The following DPH1 variants were observed in gnomAD, a reference collection of about 807,000 sequenced individuals.
DPH1 encodes diphthamide biosynthesis 1, also known as 2-(3-amino-3-carboxypropyl)histidine synthase subunit 1.
In DPH1, 59 loss-of-function variants were observed where a neutral mutation model predicts 55.3. That is an observed-to-expected ratio of 1.07 (90% CI 0.87 to 1.33). The LOEUF is 1.33. Ranked by LOEUF, DPH1 falls within the 40% of genes most tolerant of loss-of-function variation. The probability of loss-of-function intolerance (pLI) is 0.00; values close to 1 mark genes in which losing one functional copy is unlikely to be tolerated. For synonymous variants in DPH1, 238 were observed against 235.5 expected (o/e 1.01, Z -0.10); for missense variants, 628 against 584.8 (o/e 1.07, Z -0.76).
At chr17:2,032,762 G>C (rs1236028397) in intron 1 of DPH1, among the ~76,000 whole-genome samples, 2 of 152,170 alleles carry the variant, frequency 1.3e-5, no homozygotes, top group South Asian at 2.1e-4. Context: ...ATTTATTTTT[G>C]AGATGGTGTC....
Position 2,036,566 on chromosome 17 carries a change from G to A in DPH1, c.438G>A (p.Leu146=), listed in dbSNP as rs1196020827. 2 of 1,613,994 alleles carry A rather than the reference G, an allele frequency of 1.2e-6. No individual in the cohort carries two copies. Among genetic ancestry groups the A allele is most frequent in the Non-Finnish European group, 1.7e-6 (2 of 1,180,000 alleles). ...MDTSAQDFRV[L]YVFVDIRIDT... is the part of the protein sequence containing the mutation. ...CCTCGGCCCAAGACTTCCGGGTGCT[G>A]TACGTCTTTGTGGACATCCGGATAG... The change falls in exon 5 of 13, where the codon CTG becomes CTA. Residue 146 remains leucine, a synonymous_variant. Transcript: ENST00000263083. The surrounding 1 kb of genome is among the most constrained non-coding windows in gnomAD (Gnocchi z 4.8).
chr17:2,033,691 G>A, intron 2 of DPH1, 34 bp downstream of exon 2: 1 of 1,613,684 alleles, frequency 6.2e-7, no homozygotes, highest in Non-Finnish European at 8.5e-7. Context: ...GGGTTGGGGT[G>A]GAGAGGTTGC....
At chr17:2,031,910 T>C (rs9907156) in intron 1 of DPH1, among the ~76,000 whole-genome samples, 113,279 of 151,984 alleles carry the variant, frequency 0.75, 42,510 homozygotes, top group East Asian at 0.93. Flanking sequence ...ACTGCTGGTC[T>C]CTAAGGGACA....
rs2067568491 is a variant in DPH1, at chr17:2,042,815, G to T, written c.*229G>T. On this transcript the variant is annotated 3_prime_UTR_variant, in exon 13 of 13. Coordinates refer to ENST00000263083, the MANE Select transcript of DPH1 (RefSeq NM_001383.6). Reference sequence around the variant, plus strand: ...CTAGCAGCCCTTGTGTGTGCCCTGGGCCAGGCAGGCGATCCCCGCTTCCCC... The same window carrying T: ...CTAGCAGCCCTTGTGTGTGCCCTGGTCCAGGCAGGCGATCCCCGCTTCCCC... The T allele has an allele frequency of 2.5e-6, 4 of 1,613,944 alleles. No homozygotes were observed. In the South Asian group the frequency reaches 3.3e-5, roughly 13 times the overall value.
At chr17:2,033,477 AC>A in intron 1 of DPH1, 27 bp from the exon 2 acceptor site, 1 of 1,613,558 alleles carries the variant, frequency 6.2e-7, no homozygotes, top group Non-Finnish European at 8.5e-7. Flanking sequence ...AAAGACAGAC[AC>A]CAACTCAGGC....
chr17:2,030,184 C>A lies in DPH1; in HGVS notation c.15C>A (p.Val5=). Residue 5 remains valine, a synonymous_variant, in exon 1 of 13, where the codon GTC becomes GTA. Coordinates refer to ENST00000263083, the MANE Select transcript of DPH1 (RefSeq NM_001383.6). MAAL[V]VSGAAEQGGR... The stretch of plus-strand genomic sequence containing the variant: ...GCAGGCAGGTGATGGCGGCGCTGGT[C>A]GTATCCGGGGCAGCGGAGCAGGGCG... 5 of 1,602,982 alleles carry A rather than the reference C, an allele frequency of 3.1e-6. No homozygotes were observed. Among genetic ancestry groups the A allele is most frequent in the Non-Finnish European group, 4.3e-6 (5 of 1,175,848 alleles).
chr17:2,033,456 T>A, intron 1 of DPH1, 49 bp from the exon 2 acceptor site: 1 of 1,612,584 alleles, frequency 6.2e-7, no homozygotes, highest in Non-Finnish European at 8.5e-7. Context: ...CATCTCAATC[T>A]GGCTTCAGCC....
Position 2,040,229 on chromosome 17 carries a change from A to C in DPH1, c.761A>C (p.Tyr254Ser), listed in dbSNP as rs772642973. Residue 254 changes from tyrosine to serine, a missense_variant, in exon 8 of 13, where the codon TAT (tyrosine) becomes TCT (serine). Tyr to Ser is a moderately radical substitution (Grantham distance 144). Coordinates refer to ENST00000263083, the MANE Select transcript of DPH1 (RefSeq NM_001383.6). Reference protein sequence around the residue: ...PNVPAYRYDPYSKVLSREHYD... With the variant: ...PNVPAYRYDPSSKVLSREHYD... ...TGCTTCTTTTCCAGGTATGACCCAT[A>C]TAGCAAAGTCCTATCCAGAGAACAC... is the stretch of plus-strand genomic sequence containing the variant. 1.2e-6 allele frequency: 2 copies of C among 1,614,042 alleles called. No individual in the cohort carries two copies. Among genetic ancestry groups the C allele is most frequent in the East Asian group, 4.5e-5 (2 of 44,884 alleles).
chr17:2,039,672 CG>C (rs1164446272), intron 6 of DPH1, 82 bp from the exon 7 acceptor site: 4 of 1,574,040 alleles, frequency 2.5e-6, no homozygotes, highest in Non-Finnish European at 3.5e-6. Flanking sequence ...CCACCGCGCC[CG>C]GCCAGCCCTG....
intron 9 of DPH1, chr17:2,040,893 C>T (rs1007057377): frequency 1.5e-6 from 1 of 646,942 alleles, no homozygotes; most frequent in Non-Finnish European, 2.7e-6. Flanking sequence ...CACCAGTGAG[C>T]TGCCCTGGAA....
At chr17:2,042,514 G>C in intron 12 of DPH1, 91 bp from the exon 13 acceptor site, 1 of 1,441,572 alleles carries the variant, frequency 6.9e-7, no homozygotes, top group South Asian at 1.7e-5. Context: ...TTTTCTCTCT[G>C]TCATCTCGAA....
intron 9 of DPH1, chr17:2,040,848 G>A: frequency 3.2e-6 from 2 of 625,568 alleles, no homozygotes; most frequent in South Asian, 3.8e-5. Context: ...CACCTGCCCT[G>A]TACCAGGTAC....
At chr17:2,042,147 C>T (rs1483308444) in intron 12 of DPH1, 3 of 1,521,606 alleles carry the variant, frequency 2.0e-6, no homozygotes, top group South Asian at 1.2e-5. Context: ...GAAGGCGCTG[C>T]GGGGTCGCGC....
At position 2,036,358 on chromosome 17, in the gene DPH1, G is replaced by A; in HGVS notation, c.401-171G>A. The stretch of plus-strand genomic sequence containing the variant: ...TGGGCCCCGGCCGGGTGACAGAGAA[G>A]TCTGATTGAGAAGGAGCTTCTAGGG... On this transcript the variant is annotated intron_variant, in intron 4 of 12. Transcript: ENST00000263083. The surrounding 1 kb of genome is among the most constrained non-coding windows in gnomAD (Gnocchi z 4.8). The A allele has an allele frequency of 9.3e-7, 1 of 1,079,106 alleles. No homozygotes were observed. The highest frequency in any genetic ancestry group is 1.3e-6 in the Non-Finnish European group (1 of 756,586). The allele number at this position is 1,079,106 out of a possible 1,614,324, so 66.8% of individuals were successfully genotyped here.
chr17:2,032,877 G>A (rs1360213345), intron 1 of DPH1, among the ~76,000 whole-genome samples: 1 of 152,196 alleles, frequency 6.6e-6, no homozygotes, highest in African/African-American at 2.4e-5. Flanking sequence ...GACTACAGGT[G>A]CCTGCCACCA....
intron 12 of DPH1, 125 bp from the exon 13 acceptor site, chr17:2,042,480 C>T: frequency 7.9e-6 from 11 of 1,393,090 alleles, no homozygotes; most frequent in Non-Finnish European, 9.4e-6. Context: ...TCTCATTTCC[C>T]CCAGACTTTT....
chr17:2,037,156 A>C, intron 6 of DPH1, 200 bp downstream of exon 6: 1 of 713,242 alleles, frequency 1.4e-6, no homozygotes, highest in Non-Finnish European at 2.1e-6. Flanking sequence ...TCCATCATCC[A>C]GAAGGCTGTG....
rs958665455 is a variant in DPH1, at chr17:2,043,670, G to A, written c.*1084G>A. On this transcript the variant is annotated 3_prime_UTR_variant, in exon 13 of 13. Coordinates refer to ENST00000263083, the MANE Select transcript of DPH1 (RefSeq NM_001383.6). The stretch of plus-strand genomic sequence containing the variant: ...GGAATATACATCTGAGAAGTTTTGG[G>A]AAGACATCACCTGGCAAGGCTGCCT... 1 of 153,334 alleles carries A rather than the reference G, an allele frequency of 6.5e-6. No individual in the cohort carries two copies. Among genetic ancestry groups the A allele is most frequent in the African/African-American group, 2.4e-5 (1 of 41,424 alleles). The allele number at this position is 153,334 out of a possible 1,614,324, so 9.5% of individuals were successfully genotyped here.
rs571506618 is a variant in DPH1, at chr17:2,036,730, G to A, written c.558+44G>A. On this transcript the variant is annotated intron_variant, in intron 5 of 12. Coordinates refer to ENST00000263083, the MANE Select transcript of DPH1 (RefSeq NM_001383.6). The surrounding 1 kb of genome is among the most constrained non-coding windows in gnomAD (Gnocchi z 4.8). Reference sequence around the variant, plus strand: ...CTCGGCCTCCTGCAGGGTGGACAGCGGCCACTCTCCAGCTGTTGCGGGATC... The same window carrying A: ...CTCGGCCTCCTGCAGGGTGGACAGCAGCCACTCTCCAGCTGTTGCGGGATC... 18 of 1,611,718 alleles carry A rather than the reference G, an allele frequency of 1.1e-5. No individual in the cohort carries two copies. Among genetic ancestry groups the A allele is most frequent in the Middle Eastern group, 1.7e-4 (1 of 6,048 alleles).
Sources: gnomAD v4.1 joint callset for allele counts (sites outside exome capture counted in the v4.1 genomes callset) on GRCh38, gnomAD v4.1.1 for gene constraint, Gnocchi (gnomAD v3.1) non-coding constraint, MANE v1.5 for transcripts, NCBI Gene and HGNC (gene_info 2026-07-23, HGNC 2026-07-21) for gene names.